The following ZSCAN30 variants were observed in gnomAD, a reference collection of about 807,000 sequenced individuals.
ZSCAN30 encodes zinc finger and SCAN domain containing 30, also known as zinc finger and SCAN domain-containing protein 30.
Under a neutral mutation model 44.3 loss-of-function variants are expected in ZSCAN30, and 37 were observed. That is an observed-to-expected ratio of 0.84 (90% confidence interval 0.64 to 1.10). ZSCAN30 has a LOEUF of 1.10. ZSCAN30 is among the 50% of genes least tolerant of loss of function. ZSCAN30 has a pLI of 0.00. For synonymous variants in ZSCAN30, 181 were observed against 204.6 expected (o/e 0.88, Z 0.98); for missense variants, 549 against 582.6 (o/e 0.94, Z 0.59).
rs141367276 is a variant in ZSCAN30 at position 35,256,070 on chromosome 18, T to C, written c.554-1689A>G. 4.6e-5 allele frequency among the ~76,000 whole-genome samples: 7 copies of C among 152,098 alleles called. No homozygotes were observed. In the East Asian group the frequency reaches 7.7e-4, roughly 17 times the overall value. On this transcript the variant is annotated intron_variant, in intron 3 of 3. Transcript: ENST00000333206. ...AAAATTAGAAAAGCAATGTAACTTA[T>C]GGGATTTAAATACGTCTTCAAATTC...
At chr18:35,271,505 G>A (rs1444849089) in intron 1 of ZSCAN30, among the ~76,000 whole-genome samples, 1 of 152,280 alleles carries the variant, frequency 6.6e-6, no homozygotes, top group African/African-American at 2.4e-5. Flanking sequence ...TAGACACAGA[G>A]TGCTGATTGG....
At chr18:35,282,024 T>C (rs1376532710) in intron 1 of ZSCAN30, 1 of 152,170 alleles carries the variant, frequency 6.6e-6, no homozygotes, top group Non-Finnish European at 1.5e-5. Flanking sequence ...GTTAATCTGA[T>C]GCCAAGGGTG....
At chr18:35,272,881 G>A (rs2044308074) in intron 1 of ZSCAN30, among the ~76,000 whole-genome samples, 1 of 152,214 alleles carries the variant, frequency 6.6e-6, no homozygotes, top group African/African-American at 2.4e-5. Flanking sequence ...ACAGCACAAG[G>A]GAGAATGAGA....
chr18:35,274,197 T>G (rs951362603), intron 1 of ZSCAN30, among the ~76,000 whole-genome samples: 1 of 152,024 alleles, frequency 6.6e-6, no homozygotes, highest in African/African-American at 2.4e-5. Flanking sequence ...TGGGGGCTTT[T>G]TTTTGCTTGT....
chr18:35,289,168 G>A (rs531295841), intron 1 of ZSCAN30, among the ~76,000 whole-genome samples: 2 of 152,104 alleles, frequency 1.3e-5, no homozygotes, highest in Non-Finnish European at 2.9e-5. Context: ...TAGAGACAGG[G>A]TTTCACCTTG....
intron 1 of ZSCAN30, among the ~76,000 whole-genome samples, chr18:35,280,034 G>C (rs1338559569): frequency 2.0e-5 from 3 of 152,138 alleles, no homozygotes; most frequent in Non-Finnish European, 4.4e-5. Context: ...CCAGCAGTTT[G>C]GGAGACTGAG....
chr18:35,257,951 C>G, intron 3 of ZSCAN30: 1 of 781,078 alleles, frequency 1.3e-6, no homozygotes, highest in East Asian at 2.4e-5. Context: ...AACACATCGT[C>G]AATAAATCAC....
chr18:35,275,004 T>C (rs1471476847), intron 1 of ZSCAN30, among the ~76,000 whole-genome samples: 1 of 152,246 alleles, frequency 6.6e-6, no homozygotes, highest in Non-Finnish European at 1.5e-5. Context: ...TTCCCTACTC[T>C]GAAGTCATAA....
chr18:35,259,111 A>G (rs2043947101), intron 3 of ZSCAN30: 1 of 152,332 alleles, frequency 6.6e-6, no homozygotes, highest in Non-Finnish European at 1.5e-5. Flanking sequence ...TTTTCTCACA[A>G]TTCTAGAGAC....
At chr18:35,260,025 C>A (rs2043988177) in intron 3 of ZSCAN30, 1 of 152,200 alleles carries the variant, frequency 6.6e-6, no homozygotes, top group Non-Finnish European at 1.5e-5. Context: ...TCTCCCACCC[C>A]CACAGGCCCC....
chr18:35,254,475 T>C, intron 3 of ZSCAN30, 94 bp from the exon 4 acceptor site: 1 of 1,587,706 alleles, frequency 6.3e-7, no homozygotes, highest in Non-Finnish European at 8.5e-7. Context: ...AATAGGTATT[T>C]ATTTATTAGG....
intron 1 of ZSCAN30, chr18:35,267,424 A>C (rs926574825): frequency 5.3e-5 from 8 of 152,172 alleles, no homozygotes; most frequent in African/African-American, 1.9e-4. Flanking sequence ...GATGCGGGAC[A>C]GGGGCGGTTT....
intron 1 of ZSCAN30, among the ~76,000 whole-genome samples, chr18:35,277,800 G>A (rs1016161243): frequency 2.6e-5 from 4 of 152,278 alleles, no homozygotes. Context: ...AAAAGCACCT[G>A]ATGATGCATT....
chr18:35,254,608 T>C, intron 3 of ZSCAN30: 1 of 702,654 alleles, frequency 1.4e-6, no homozygotes, highest in East Asian at 2.9e-5. Context: ...AGAAGAGGGA[T>C]GGTGAACAAG....
intron 1 of ZSCAN30, among the ~76,000 whole-genome samples, chr18:35,270,559 C>T (rs2044249439): frequency 6.6e-6 from 1 of 152,170 alleles, no homozygotes; most frequent in South Asian, 2.1e-4. Flanking sequence ...CAGAATTTCT[C>T]TTTGGTTCAA....
rs9958871 is a variant in ZSCAN30 at position 35,264,451 on chromosome 18, C to T, written c.-99G>A. On this transcript the variant is annotated 5_prime_UTR_variant, in exon 2 of 4. Coordinates refer to ENST00000333206, the MANE Select transcript of ZSCAN30 (RefSeq NM_001112734.4). ...CCTTCTGAATTCCAACTCCCCAGGA[C>T]GCTCCTGAGGGTGGACAATGCTCAT... 7,206 of 1,253,042 alleles carry T rather than the reference C, an allele frequency of 5.8e-3. 302 individuals carry two copies. The African/African-American group carries it at 0.096, about 17-fold the overall frequency. 77.6% of individuals were successfully genotyped at this position (1,253,042 alleles called of 1,614,324 possible). A position where few individuals can be genotyped will look rare whatever the true frequency, so the allele number is the denominator to read the frequency against.
chr18:35,264,625 T>C (rs1485130727), intron 1 of ZSCAN30, among the ~76,000 whole-genome samples, 170 bp from the exon 2 acceptor site: 1 of 152,160 alleles, frequency 6.6e-6, no homozygotes, highest in Non-Finnish European at 1.5e-5. Context: ...TTTTTTAGGA[T>C]GTGAAAGAAA....
chr18:35,268,756 T>C (rs2044215032), intron 1 of ZSCAN30: 1 of 152,158 alleles, frequency 6.6e-6, no homozygotes, highest in Non-Finnish European at 1.5e-5. Context: ...ATAATCTCTT[T>C]TGAGAATTGT....
intron 1 of ZSCAN30, among the ~76,000 whole-genome samples, chr18:35,264,975 T>G (rs934802081): frequency 6.6e-6 from 1 of 151,784 alleles, no homozygotes; most frequent in Non-Finnish European, 1.5e-5. Flanking sequence ...TGAAACCCCA[T>G]CTCTACTAAA....
Sources: gnomAD v4.1 joint callset for allele counts (sites outside exome capture counted in the v4.1 genomes callset) on GRCh38, gnomAD v4.1.1 for gene constraint, MANE v1.5 for transcripts, NCBI Gene and HGNC (gene_info 2026-07-23, HGNC 2026-07-21) for gene names.